The following PLA2G10 variants were observed in gnomAD, a reference collection of about 807,000 sequenced individuals.
PLA2G10 encodes group 10 secretory phospholipase A2.
PLA2G10 carries 9 observed loss-of-function variants against 7.9 expected under a neutral mutation model. The ratio of observed to expected loss-of-function variants is 1.14; its 90% confidence interval spans 0.68 to 1.98. The LOEUF (loss-of-function observed/expected upper bound fraction) is 1.98, where lower values mean the gene tolerates loss of function less well. Ranked by LOEUF, PLA2G10 falls within the 30% of genes most tolerant of loss-of-function variation. The pLI, the probability that PLA2G10 is intolerant of heterozygous loss-of-function variation, is 0.00. For synonymous variants in PLA2G10, 19 were observed against 27.5 expected, an observed-to-expected ratio of 0.69 and a Z score of 0.97; for missense variants, 53 against 65.4, an observed-to-expected ratio of 0.81 and a Z score of 0.66.
At chr16:14,685,588 TG>T (rs1364882743) in intron 3 of PLA2G10, among the ~76,000 whole-genome samples, 1 of 151,814 alleles carries the variant, frequency 6.6e-6, no homozygotes, top group African/African-American at 2.4e-5. Context: ...CGAGGCAGAG[TG>T]ATGAAAAAGT....
intron 3 of PLA2G10, among the ~76,000 whole-genome samples, chr16:14,675,095 C>T (rs1272046630): frequency 2.0e-5 from 3 of 149,308 alleles, no homozygotes; most frequent in African/African-American, 7.4e-5. Flanking sequence ...CGCTTGAACC[C>T]GGGAGGAGGA....
At chr16:14,683,342 C>T (rs1263114100) in intron 3 of PLA2G10, among the ~76,000 whole-genome samples, 1 of 151,194 alleles carries the variant, frequency 6.6e-6, no homozygotes, top group Non-Finnish European at 1.5e-5. Context: ...AAGCAATTCT[C>T]CTGCCTCAGC....
intron 3 of PLA2G10, among the ~76,000 whole-genome samples, chr16:14,686,591 C>G (rs1421127740): frequency 6.6e-6 from 1 of 152,150 alleles, no homozygotes. Flanking sequence ...ACCTGTGCCT[C>G]CTGGATTCAA....
intron 3 of PLA2G10, among the ~76,000 whole-genome samples, chr16:14,676,354 A>T (rs1960725274): frequency 6.6e-6 from 1 of 152,198 alleles, no homozygotes; most frequent in Admixed American, 6.6e-5. Context: ...ATATAGAACC[A>T]ACCTAAGTGC....
At chr16:14,681,506 C>T (rs943800612) in intron 3 of PLA2G10, among the ~76,000 whole-genome samples, 2 of 151,868 alleles carry the variant, frequency 1.3e-5, no homozygotes, top group Non-Finnish European at 2.9e-5. Context: ...CTCAGGAACC[C>T]GATGGCATCA....
chr16:14,674,470 G>A (rs964721067), intron 3 of PLA2G10, among the ~76,000 whole-genome samples: 23 of 152,192 alleles, frequency 1.5e-4, no homozygotes, highest in African/African-American at 4.3e-4. Context: ...TTGCAAGGCC[G>A]AGGTGGGTGG....
At chr16:14,685,564 G>T (rs1207704367) in intron 3 of PLA2G10, among the ~76,000 whole-genome samples, 2 of 152,070 alleles carry the variant, frequency 1.3e-5, no homozygotes, top group East Asian at 3.9e-4. Context: ...TTGCTTAAGG[G>T]GAAAGGGATT....
chr16:14,674,762 A>G (rs907649178), intron 3 of PLA2G10, among the ~76,000 whole-genome samples: 1 of 152,184 alleles, frequency 6.6e-6, no homozygotes, highest in African/African-American at 2.4e-5. Flanking sequence ...ATTATGCTAC[A>G]AGGCTATAGT....
chr16:14,682,689 T>A (rs1960925742), intron 3 of PLA2G10, among the ~76,000 whole-genome samples: 1 of 152,194 alleles, frequency 6.6e-6, no homozygotes, highest in African/African-American at 2.4e-5. Context: ...TTGGAACAGA[T>A]CTTTGATTCT....
chr16:14,677,260 T>G (rs187085016), intron 3 of PLA2G10, among the ~76,000 whole-genome samples: 1 of 152,346 alleles, frequency 6.6e-6, no homozygotes, highest in Admixed American at 6.5e-5. Flanking sequence ...GCACTCCTGC[T>G]TCTTGTTACC....
intron 3 of PLA2G10, among the ~76,000 whole-genome samples, chr16:14,686,412 A>G (rs879865570): frequency 5.3e-5 from 8 of 152,088 alleles, no homozygotes; most frequent in African/African-American, 7.2e-5. Context: ...TCCCTGTACC[A>G]TTACTCACTT....
At chr16:14,682,450 C>T (rs1292988600) in intron 3 of PLA2G10, among the ~76,000 whole-genome samples, 2 of 151,984 alleles carry the variant, frequency 1.3e-5, no homozygotes, top group Admixed American at 6.6e-5. Context: ...TGGTGTGCAC[C>T]TCTAGTCCCA....
At chr16:14,676,670 C>T (rs757684665) in intron 3 of PLA2G10, among the ~76,000 whole-genome samples, 1 of 152,120 alleles carries the variant, frequency 6.6e-6, no homozygotes, top group African/African-American at 2.4e-5. Context: ...CAGAACAAGA[C>T]TCCTTCTCAA....
chr16:14,674,209 C>T (rs1369881993), intron 3 of PLA2G10, among the ~76,000 whole-genome samples: 1 of 151,650 alleles, frequency 6.6e-6, no homozygotes, highest in Admixed American at 6.6e-5. Flanking sequence ...AACAGAACTA[C>T]AAAACACTGC....
At chr16:14,687,965 C>A (rs1429682346) in intron 3 of PLA2G10, among the ~76,000 whole-genome samples, 200 bp downstream of exon 3, 2 of 151,674 alleles carry the variant, frequency 1.3e-5, no homozygotes, top group Non-Finnish European at 2.9e-5. Flanking sequence ...CATCAGCACA[C>A]TCTAGCCTGG....
At chr16:14,680,793 G>A (rs138018791) in intron 3 of PLA2G10, among the ~76,000 whole-genome samples, 7 of 152,168 alleles carry the variant, frequency 4.6e-5, no homozygotes, top group South Asian at 2.1e-4. Context: ...ACAATACCTC[G>A]TGGCTCTGCC....
chr16:14,672,709 A>T lies in PLA2G10; in HGVS notation c.396T>A (p.Cys132Ter), dbSNP rs1265212796. 1.2e-6 allele frequency: 2 copies of T among 1,613,980 alleles called. No homozygotes were observed. Among genetic ancestry groups the T allele is most frequent in the Non-Finnish European group, 1.7e-6 (2 of 1,179,972 alleles). ...ENKCQELLCKCDQEIANCLAQ... is the reference protein window; with the variant it reads ...ENKCQELLCK The stretch of plus-strand genomic sequence containing the variant: ...CTAAGCAGTTAGCAATCTCCTGGTC[A>T]CACTTGCACAACAGTTCTTGGCATT... Residue 132 changes from cysteine to a stop codon, truncating the protein, a stop_gained, in exon 4 of 4, where the codon TGT becomes TGA. Transcript: ENST00000438167. LOFTEE classifies it high-confidence loss of function.
At chr16:14,678,050 C>T (rs1312761344) in intron 3 of PLA2G10, among the ~76,000 whole-genome samples, 1 of 152,170 alleles carries the variant, frequency 6.6e-6, no homozygotes, top group Non-Finnish European at 1.5e-5. Flanking sequence ...AACAAGCCTT[C>T]CTGCCTGTAA....
intron 3 of PLA2G10, among the ~76,000 whole-genome samples, chr16:14,680,957 T>A (rs757162645): frequency 2.7e-5 from 4 of 149,962 alleles, no homozygotes; most frequent in Non-Finnish European, 4.4e-5. Flanking sequence ...AGGTCAGGAG[T>A]TCAAGACCAG....
Sources: gnomAD v4.1 joint callset for allele counts (sites outside exome capture counted in the v4.1 genomes callset) on GRCh38, gnomAD v4.1.1 for gene constraint, MANE v1.5 for transcripts, NCBI Gene and HGNC (gene_info 2026-07-23, HGNC 2026-07-21) for gene names.